The following LRRC36 variants were observed in gnomAD, a reference collection of about 807,000 sequenced individuals.
LRRC36 encodes leucine rich repeat containing 36, also known as leucine-rich repeat-containing protein 36.
A neutral mutation model predicts 81.1 loss-of-function variants in LRRC36; 62 were observed. That is an observed-to-expected ratio of 0.76 (90% confidence interval 0.62 to 0.94). LRRC36 has a LOEUF of 0.94. LRRC36 is among the 40% of genes least tolerant of loss of function. The pLI, the probability that LRRC36 is intolerant of heterozygous loss-of-function variation, is 0.00. For synonymous variants in LRRC36, 334 were observed against 348.6 expected (o/e 0.96, Z 0.47); for missense variants, 761 against 881.7 (o/e 0.86, Z 1.73).
chr16:67,359,737 G>T (rs1477632368), intron 5 of LRRC36, among the ~76,000 whole-genome samples: 2 of 152,170 alleles, frequency 1.3e-5, no homozygotes, highest in Admixed American at 1.3e-4. Flanking sequence ...TATCTTAAGT[G>T]ATTGGGTGAT....
chr16:67,370,865 C>A, intron 8 of LRRC36, 79 bp from the exon 9 acceptor site: 1 of 1,224,620 alleles, frequency 8.2e-7, no homozygotes, highest in Non-Finnish European at 1.2e-6. Flanking sequence ...GACCCTTGGA[C>A]TACAGGCAAG....
At chr16:67,345,108 TC>T (rs2038278461) in intron 2 of LRRC36, among the ~76,000 whole-genome samples, 1 of 151,906 alleles carries the variant, frequency 6.6e-6, no homozygotes, top group Non-Finnish European at 1.5e-5. Context: ...GCTCAGGAGT[TC>T]AAGACCAGCC....
intron 9 of LRRC36, among the ~76,000 whole-genome samples, 169 bp from the exon 10 acceptor site, chr16:67,375,078 G>T (rs2039828269): frequency 6.6e-6 from 1 of 151,122 alleles, no homozygotes; most frequent in Admixed American, 6.6e-5. Context: ...AGTGAGCCCA[G>T]ATCGCACCAC....
chr16:67,375,476 T>C (rs1010560909), intron 10 of LRRC36, 64 bp downstream of exon 10: 2 of 1,402,068 alleles, frequency 1.4e-6, no homozygotes, highest in African/African-American at 2.9e-5. Flanking sequence ...TGTGTTCTGC[T>C]AAAAGCCACT....
chr16:67,374,884 C>T (rs982166078), intron 9 of LRRC36, among the ~76,000 whole-genome samples: 2 of 151,924 alleles, frequency 1.3e-5, no homozygotes, highest in Non-Finnish European at 2.9e-5. Context: ...GTAATCCCAA[C>T]ACTTTGGGAA....
chr16:67,347,444 A>T lies in LRRC36; in HGVS notation c.392-51A>T, dbSNP rs758624966. The T allele has an allele frequency of 1.2e-5, 20 of 1,607,980 alleles. No individual in the cohort carries two copies. In the South Asian group the frequency reaches 2.2e-4, roughly 18 times the overall value. ...ATGGTTTTCTGATTAACTACTAGTT[A>T]TGTCTATGCCAAAAAAAGAAACATG... On this transcript the variant is annotated intron_variant, in intron 3 of 13. Coordinates refer to ENST00000329956, the MANE Select transcript of LRRC36 (RefSeq NM_018296.6).
intron 12 of LRRC36, 54 bp from the exon 13 acceptor site, chr16:67,382,079 C>A: frequency 8.1e-7 from 1 of 1,240,586 alleles, no homozygotes; most frequent in South Asian, 1.2e-5. Context: ...ATATTCTGCT[C>A]AAAGACTAGC....
intron 5 of LRRC36, among the ~76,000 whole-genome samples, chr16:67,360,420 G>A (rs2142076796): frequency 6.6e-6 from 1 of 152,304 alleles, no homozygotes; most frequent in Admixed American, 6.5e-5. Context: ...CTGGAGCAGG[G>A]TCTTGAACAC....
At chr16:67,332,616 C>T (rs2037550881) in intron 1 of LRRC36, among the ~76,000 whole-genome samples, 2 of 152,154 alleles carry the variant, frequency 1.3e-5, no homozygotes, top group South Asian at 2.1e-4. Flanking sequence ...TTAAGACATG[C>T]ATTCATGTGA....
chr16:67,351,963 G>C (rs2038663258), intron 5 of LRRC36, among the ~76,000 whole-genome samples: 1 of 152,092 alleles, frequency 6.6e-6, no homozygotes, highest in South Asian at 2.1e-4. Context: ...ATACAGCCTA[G>C]TCTTTTTTCT....
chr16:67,352,016 AC>A (rs2038666988), intron 5 of LRRC36, among the ~76,000 whole-genome samples: 1 of 152,196 alleles, frequency 6.6e-6, no homozygotes, highest in Non-Finnish European at 1.5e-5. Context: ...AGAGAAAAAT[AC>A]ATTGAAGCAT....
intron 1 of LRRC36, among the ~76,000 whole-genome samples, chr16:67,334,514 G>A (rs775675124): frequency 7.7e-4 from 116 of 151,538 alleles, no homozygotes; most frequent in African/African-American, 2.6e-3. Context: ...TAGTAGAGAC[G>A]GGGTTTCACC....
At chr16:67,327,046 C>A (rs556748040) in intron 1 of LRRC36, 114 bp downstream of exon 1, 2 of 815,986 alleles carry the variant, frequency 2.5e-6, no homozygotes, top group Non-Finnish European at 3.4e-6. Flanking sequence ...CACAGAGAAG[C>A]GGTACCTGAG....
At position 67,346,253 on chromosome 16, in the gene LRRC36, T is replaced by TA; in HGVS notation, c.199-2dup. On this transcript the variant is annotated splice_polypyrimidine_tract_variant and splice_region_variant and intron_variant, in intron 2 of 13. Coordinates refer to ENST00000329956, the MANE Select transcript of LRRC36 (RefSeq NM_018296.6). Reference sequence around the variant, plus strand: ...ATTTCATAATGTGGTGTTTTCCTTGTAGGGAATCCAGTATTTATGTTCACT... The same window carrying TA: ...ATTTCATAATGTGGTGTTTTCCTTGTAAGGGAATCCAGTATTTATGTTCACT... The TA allele has an allele frequency of 1.3e-6, 2 of 1,541,744 alleles. No individual in the cohort carries two copies. The highest frequency in any genetic ancestry group is 1.8e-6 in the Non-Finnish European group (2 of 1,131,820).
At chr16:67,356,076 G>A (rs191441949) in intron 5 of LRRC36, among the ~76,000 whole-genome samples, 100 of 152,282 alleles carry the variant, frequency 6.6e-4, no homozygotes, top group African/African-American at 2.3e-3. Flanking sequence ...AACAATTTAC[G>A]TTTATCCTGT....
intron 5 of LRRC36, among the ~76,000 whole-genome samples, chr16:67,358,760 T>C (rs1486660892): frequency 6.6e-6 from 1 of 152,052 alleles, no homozygotes; most frequent in Non-Finnish European, 1.5e-5. Context: ...AAAGAAGATA[T>C]GCAGCTGGCC....
rs1567470122 is a variant in LRRC36, at chr16:67,340,996, A to ATTC, written c.71-960_71-959insTCT. On this transcript the variant is annotated intron_variant, in intron 1 of 13. Coordinates refer to ENST00000329956, the MANE Select transcript of LRRC36 (RefSeq NM_018296.6). The stretch of plus-strand genomic sequence containing the variant: ...ATAGAATATAGAATATGTATATTAT[A>ATTC]TATAGAATATGTATTCTATAGAATA... 8.7e-3 allele frequency among the ~76,000 whole-genome samples: 1,045 copies of ATTC among 120,326 alleles called. 346 individuals carry two copies. The highest frequency in any genetic ancestry group is 0.04 in the African/African-American group (998 of 25,040). 78.9% of individuals were successfully genotyped at this position (120,326 alleles called of 152,430 possible).
chr16:67,354,012 A>C (rs2038779621), intron 5 of LRRC36, among the ~76,000 whole-genome samples: 1 of 152,092 alleles, frequency 6.6e-6, no homozygotes, highest in Admixed American at 6.6e-5. Context: ...TCCCCTACTA[A>C]ATTAAGTCTA....
At chr16:67,352,812 G>A (rs941028970) in intron 5 of LRRC36, among the ~76,000 whole-genome samples, 1 of 151,648 alleles carries the variant, frequency 6.6e-6, no homozygotes, top group Non-Finnish European at 1.5e-5. Flanking sequence ...TGAGTAGCTG[G>A]GACTACAGGT....
Sources: allele counts gnomAD v4.1 joint callset (sites outside exome capture counted in the v4.1 genomes callset), GRCh38; gene constraint gnomAD v4.1.1; transcripts MANE v1.5; gene names NCBI Gene and HGNC (gene_info 2026-07-23, HGNC 2026-07-21).